MARCHF6: variants seen among roughly 807,000 people sequenced by gnomAD.
MARCHF6 encodes membrane associated ring-CH-type finger 6, also known as E3 ubiquitin-protein ligase MARCHF6.
In MARCHF6, 31 loss-of-function variants were observed where a neutral mutation model predicts 133.7. The observed-to-expected ratio is 0.23, with a 90% CI of 0.17 to 0.31. The LOEUF is 0.31. Ranked by LOEUF, MARCHF6 falls within the 10% of genes least tolerant of loss-of-function variation. The pLI is 1.00. For missense variants in MARCHF6, 723 were observed against 1,121.6 expected (o/e 0.64, Z 5.08); for synonymous variants, 395 against 402.5 (o/e 0.98, Z 0.22).
At chr5:10,376,348 A>C (rs1736778463) in intron 1 of MARCHF6, among the ~76,000 whole-genome samples, 1 of 151,098 alleles carries the variant, frequency 6.6e-6, no homozygotes, top group Admixed American at 6.6e-5. Context: ...CTGCAGCTTC[A>C]CTCCTGAGCC....
chr5:10,378,701 A>G (rs1736936088), intron 2 of MARCHF6, 58 bp from the exon 3 acceptor site: 1 of 1,083,692 alleles, frequency 9.2e-7, no homozygotes, highest in African/African-American at 1.6e-5. Context: ...GTTTTCGACA[A>G]AACTGTAATG....
intron 25 of MARCHF6, among the ~76,000 whole-genome samples, 179 bp downstream of exon 25, chr5:10,430,207 T>G (rs537702325): frequency 2.0e-5 from 3 of 151,720 alleles, no homozygotes; most frequent in African/African-American, 2.4e-5. Context: ...AAGGACTTAG[T>G]TGGCCCAAAC....
At chr5:10,394,054 A>T in intron 7 of MARCHF6, 28 bp from the exon 8 acceptor site, 1 of 1,345,342 alleles carries the variant, frequency 7.4e-7, no homozygotes, top group South Asian at 1.6e-5. Flanking sequence ...TACTTCAAGT[A>T]ATCTTTAAAT....
At chr5:10,396,488 T>C (rs1472803676) in intron 9 of MARCHF6, among the ~76,000 whole-genome samples, 2 of 152,230 alleles carry the variant, frequency 1.3e-5, no homozygotes, top group Non-Finnish European at 2.9e-5. Context: ...ATTCACAAAC[T>C]AATTACCCTT....
chr5:10,392,757 A>G lies in MARCHF6; in HGVS notation c.766+1026A>G, dbSNP rs1197883394. Among the ~76,000 whole-genome samples the G allele has an allele frequency of 3.6e-5, 5 of 138,546 alleles. No individual in the cohort carries two copies. The South Asian group carries it at 6.5e-4, about 18-fold the overall frequency. The allele number at this position is 138,546 out of a possible 152,430, so 90.9% of individuals were successfully genotyped here. ...TGACACAGCAAGATTCCGTCTCAAG[A>G]AAAAAAAAAAAAGATCCAAGACAGG... On this transcript the variant is annotated intron_variant, in intron 7 of 25. Transcript: ENST00000274140.
intron 10 of MARCHF6, among the ~76,000 whole-genome samples, chr5:10,398,176 CT>C (rs1738302622): frequency 6.6e-6 from 1 of 152,152 alleles, no homozygotes; most frequent in African/African-American, 2.4e-5. Context: ...GGATTTACCC[CT>C]CAGCTCTGCT....
chr5:10,417,575 GT>G, intron 22 of MARCHF6, 171 bp downstream of exon 22: 1 of 754,728 alleles, frequency 1.3e-6, no homozygotes, highest in Non-Finnish European at 2.1e-6. Context: ...GCAAGACCTA[GT>G]CTCTATAAAA....
chr5:10,384,157 G>T (rs960300652), intron 4 of MARCHF6, among the ~76,000 whole-genome samples: 1 of 152,064 alleles, frequency 6.6e-6, no homozygotes, highest in African/African-American at 2.4e-5. Flanking sequence ...AATTTGAGAT[G>T]AATTTAAAAG....
chr5:10,415,480 A>C lies in MARCHF6; in HGVS notation c.1967-8A>C. On this transcript the variant is annotated splice_polypyrimidine_tract_variant and splice_region_variant and intron_variant, in intron 20 of 25. Transcript: ENST00000274140. ...ACATGTCTCATTTATCAGCTTTTCT[A>C]TTTTCAGTATTTGCTGGCCGTTGGT... 6.2e-7 allele frequency: 1 copy of C among 1,603,950 alleles called. No individual in the cohort carries two copies. The highest frequency in any genetic ancestry group is 1.1e-5 in the South Asian group (1 of 90,236).
chr5:10,415,232 T>C (rs538048006), intron 20 of MARCHF6, among the ~76,000 whole-genome samples: 8 of 152,336 alleles, frequency 5.3e-5, no homozygotes, highest in African/African-American at 1.9e-4. Context: ...AAAGAATAAG[T>C]AATTGGCATG....
In MARCHF6 at chr5:10,402,520, A is replaced by G; in HGVS notation, c.1123-13A>G. 1 of 1,613,550 alleles carries G rather than the reference A, an allele frequency of 6.2e-7. No individual in the cohort carries two copies. Among genetic ancestry groups the G allele is most frequent in the Non-Finnish European group, 8.5e-7 (1 of 1,179,630 alleles). On this transcript the variant is annotated splice_polypyrimidine_tract_variant and intron_variant, in intron 13 of 25. Transcript: ENST00000274140. ...CATTTGGGTGATACTGATGACCTTT[A>G]TTTTCACTTAAGGTCTCTTTGTTAG...
At chr5:10,402,709 A>C in intron 14 of MARCHF6, 102 bp downstream of exon 14, 1 of 1,041,296 alleles carries the variant, frequency 9.6e-7, no homozygotes, top group Non-Finnish European at 1.5e-6. Context: ...ATATTTGATA[A>C]TTTGCTTATT....
chr5:10,403,478 G>C lies in MARCHF6; in HGVS notation c.1269G>C (p.Leu423=), dbSNP rs759722106. 5 of 1,613,842 alleles carry C rather than the reference G, an allele frequency of 3.1e-6. 1 individual carries two copies. The South Asian group carries it at 5.5e-5, about 18-fold the overall frequency. ...FQSAPGTTMF[L]HWLVGMVYVF... Reference sequence around the variant, plus strand: ...CGGCTCCAGGTACTACCATGTTTCTGCATTGGCTAGTGGGAATGGTATATG... The same window carrying C: ...CGGCTCCAGGTACTACCATGTTTCTCCATTGGCTAGTGGGAATGGTATATG... The change falls in exon 15 of 26, where the codon CTG becomes CTC. Residue 423 remains leucine (L), a synonymous_variant. Transcript: ENST00000274140.
intron 1 of MARCHF6, among the ~76,000 whole-genome samples, chr5:10,356,214 T>G (rs1263909419): frequency 6.6e-6 from 1 of 151,938 alleles, no homozygotes; most frequent in African/African-American, 2.4e-5. Flanking sequence ...GCGACTTAGG[T>G]TTTTTAAATC....
intron 22 of MARCHF6, among the ~76,000 whole-genome samples, chr5:10,422,740 A>G (rs372289280): frequency 5.0e-5 from 7 of 140,164 alleles, no homozygotes; most frequent in African/African-American, 9.9e-5. Flanking sequence ...ATTGGCCTCA[A>G]GATGGTAGAC....
chr5:10,413,719 A>G (rs1243250301), intron 19 of MARCHF6, among the ~76,000 whole-genome samples: 1 of 152,184 alleles, frequency 6.6e-6, no homozygotes, highest in Non-Finnish European at 1.5e-5. Context: ...GCTTGTGCAG[A>G]GGGACTCCCA....
chr5:10,377,941 G>GTCAT, intron 2 of MARCHF6, 47 bp downstream of exon 2: 1 of 1,104,448 alleles, frequency 9.1e-7, no homozygotes, highest in African/African-American at 1.5e-5. Flanking sequence ...CTTCAGTTTC[G>GTCAT]TCATGTATAC....
At chr5:10,366,767 G>A (rs1325022072) in intron 1 of MARCHF6, among the ~76,000 whole-genome samples, 1 of 152,088 alleles carries the variant, frequency 6.6e-6, no homozygotes, top group Non-Finnish European at 1.5e-5. Context: ...ATATTATTAC[G>A]AACAGGCTTC....
chr5:10,358,560 G>A (rs1735621728), intron 1 of MARCHF6, among the ~76,000 whole-genome samples: 1 of 152,036 alleles, frequency 6.6e-6, no homozygotes. Context: ...TAACATTTAT[G>A]TTATAATTAT....
Sources: gnomAD v4.1 joint callset for allele counts (sites outside exome capture counted in the v4.1 genomes callset) on GRCh38, gnomAD v4.1.1 for gene constraint, MANE v1.5 for transcripts, NCBI Gene and HGNC (gene_info 2026-07-23, HGNC 2026-07-21) for gene names.